The following CDYL2 variants were observed in gnomAD, a reference collection of about 807,000 sequenced individuals.
CDYL2 encodes chromodomain Y-like protein 2.
CDYL2 carries 23 observed loss-of-function variants against 49.4 expected under a neutral mutation model. The ratio of observed to expected loss-of-function variants is 0.47; its 90% CI spans 0.34 to 0.66. The LOEUF (loss-of-function observed/expected upper bound fraction) is 0.66. CDYL2 is among the 30% of genes least tolerant of loss of function. CDYL2 has a pLI of 0.01. For synonymous variants in CDYL2, 360 were observed against 268.8 expected, an observed-to-expected ratio of 1.34 and a Z score of -3.32; for missense variants, 678 against 656.4, an observed-to-expected ratio of 1.03 and a Z score of -0.36.
At chr16:80,669,677 T>A (rs1468907804) in intron 2 of CDYL2, among the ~76,000 whole-genome samples, 2 of 152,176 alleles carry the variant, frequency 1.3e-5, no homozygotes. Flanking sequence ...ATCCTCTGGC[T>A]GGCTTTGTGG....
At chr16:80,793,630 A>C (rs1907677560) in intron 1 of CDYL2, among the ~76,000 whole-genome samples, 1 of 152,220 alleles carries the variant, frequency 6.6e-6, no homozygotes, top group Admixed American at 6.5e-5. Flanking sequence ...ACCTTGGATA[A>C]TACAGACATG....
Position 80,612,561 on chromosome 16 carries a change from C to T in CDYL2, c.1218+65G>A. 1 of 1,482,918 alleles carries T rather than the reference C, an allele frequency of 6.7e-7. No individual in the cohort carries two copies. Among genetic ancestry groups the T allele is most frequent in the Non-Finnish European group, 9.1e-7 (1 of 1,098,832 alleles). The allele number at this position is 1,482,918 out of a possible 1,614,324, so 91.9% of individuals were successfully genotyped here. ...TCAGGTTTCTAGCCCCATGAAGAGC[C>T]CCTAAACCCAAGGCAGAGGAAGGAT... On this transcript the variant is annotated intron_variant, in intron 5 of 6. Coordinates refer to ENST00000570137, the MANE Select transcript of CDYL2 (RefSeq NM_152342.4). This position sits in a 1 kb window ranked among gnomAD's most constrained non-coding sequence, Gnocchi z 5.0.
chr16:80,754,378 G>C (rs1402833765), intron 1 of CDYL2, among the ~76,000 whole-genome samples: 1 of 152,178 alleles, frequency 6.6e-6, no homozygotes, highest in Non-Finnish European at 1.5e-5. Context: ...AACAAACAGA[G>C]ATTAAGCCAC....
chr16:80,735,229 A>C (rs1331838993), intron 1 of CDYL2: 3 of 152,228 alleles, frequency 2.0e-5, no homozygotes, highest in African/African-American at 4.8e-5. Context: ...CCAAGAATAG[A>C]TCATGCCCAA....
intron 1 of CDYL2, among the ~76,000 whole-genome samples, chr16:80,726,170 A>G (rs113143951): frequency 5.7e-4 from 87 of 152,356 alleles, no homozygotes; most frequent in African/African-American, 1.7e-3. Context: ...GGAGTTCCGT[A>G]TAAGATTCTA....
At chr16:80,722,976 G>A (rs1008203168) in intron 1 of CDYL2, among the ~76,000 whole-genome samples, 5 of 152,202 alleles carry the variant, frequency 3.3e-5, no homozygotes. Context: ...TCCACAAGCA[G>A]AGCAGAAGGA....
rs144433693 is a variant in CDYL2 at position 80,794,177 on chromosome 16, C to T, written c.24+9973G>A. On this transcript the variant is annotated intron_variant, in intron 1 of 6. Coordinates refer to ENST00000570137, the MANE Select transcript of CDYL2 (RefSeq NM_152342.4). ...GAAGGAGCCAGTCTTCTCAATAAAC[C>T]GCAACACTACCTTTAATACAATATA... Among the ~76,000 whole-genome samples, 376 of 152,250 alleles carry T rather than the reference C, an allele frequency of 2.5e-3. 2 individuals are homozygous for T. Among genetic ancestry groups the T allele is most frequent in the African/African-American group, 8.3e-3 (344 of 41,530 alleles).
chr16:80,665,222 T>G (rs980436425), intron 2 of CDYL2, among the ~76,000 whole-genome samples: 1 of 152,176 alleles, frequency 6.6e-6, no homozygotes, highest in Admixed American at 6.5e-5. Flanking sequence ...CCTCTTTGCC[T>G]GATCAAGCTC....
At chr16:80,740,730 A>C (rs996644727) in intron 1 of CDYL2, among the ~76,000 whole-genome samples, 1 of 152,116 alleles carries the variant, frequency 6.6e-6, no homozygotes, top group Non-Finnish European at 1.5e-5. Flanking sequence ...AAAATATAGT[A>C]GAAAAAAAGT....
At chr16:80,696,994 T>C (rs1351926196) in intron 1 of CDYL2, among the ~76,000 whole-genome samples, 1 of 151,836 alleles carries the variant, frequency 6.6e-6, no homozygotes, top group Non-Finnish European at 1.5e-5. Flanking sequence ...AACAACATAG[T>C]GATATTTTGT....
chr16:80,687,762 G>A (rs954751205), intron 1 of CDYL2, among the ~76,000 whole-genome samples: 5 of 152,174 alleles, frequency 3.3e-5, no homozygotes, highest in African/African-American at 4.8e-5. Flanking sequence ...TCTTGAGCAA[G>A]TTATTAAACC....
chr16:80,737,845 A>G (rs1905591055), intron 1 of CDYL2, among the ~76,000 whole-genome samples: 1 of 152,066 alleles, frequency 6.6e-6, no homozygotes, highest in African/African-American at 2.4e-5. Context: ...TCTTTTTTCT[A>G]ATGCATTTAG....
chr16:80,715,280 T>C (rs1416480712), intron 1 of CDYL2, among the ~76,000 whole-genome samples: 2 of 152,112 alleles, frequency 1.3e-5, no homozygotes, highest in Admixed American at 6.5e-5. Flanking sequence ...GGCCTGAGGA[T>C]ACAGGAATCC....
In CDYL2 at chr16:80,687,621, G is replaced by T. The variant is rs139642473; in HGVS notation, c.25-2492C>A. The stretch of plus-strand genomic sequence containing the variant: ...GATGGATGAAAAGGTGGGGACAGAA[G>T]TGGGTTCATAAATGGATGGATAGAT... On this transcript the variant is annotated intron_variant, in intron 1 of 6. Coordinates refer to ENST00000570137, the MANE Select transcript of CDYL2 (RefSeq NM_152342.4). Among the ~76,000 whole-genome samples, 383 of 152,260 alleles carry T rather than the reference G, an allele frequency of 2.5e-3. 3 individuals are homozygous for T. The highest frequency in any genetic ancestry group is 8.9e-3 in the African/African-American group (371 of 41,552).
intron 1 of CDYL2, among the ~76,000 whole-genome samples, chr16:80,747,657 C>G (rs1317352191): frequency 6.6e-6 from 1 of 152,122 alleles, no homozygotes; most frequent in Non-Finnish European, 1.5e-5. Flanking sequence ...TTCCCAACTT[C>G]TGAGGCCAGA....
chr16:80,604,362 G>T lies in CDYL2; in HGVS notation c.*26C>A. ...TCCGAAACACAGGGCAGAGCTGGAA[G>T]TTGGGGGCCCGTGAGCTGGGGCCCC... On this transcript the variant is annotated 3_prime_UTR_variant, in exon 7 of 7. Coordinates refer to ENST00000570137, the MANE Select transcript of CDYL2 (RefSeq NM_152342.4). 1 of 1,613,404 alleles carries T rather than the reference G, an allele frequency of 6.2e-7. No individual in the cohort carries two copies. Among genetic ancestry groups the T allele is most frequent in the Non-Finnish European group, 8.5e-7 (1 of 1,179,738 alleles).
Position 80,696,083 on chromosome 16 carries a change from A to T in CDYL2, c.25-10954T>A, listed in dbSNP as rs148765144. ...CCACAATGAAATAAAACTAGAAATC[A>T]ATAACAAGAAAAACCTTGAAACTGT... On this transcript the variant is annotated intron_variant, in intron 1 of 6. Coordinates refer to ENST00000570137, the MANE Select transcript of CDYL2 (RefSeq NM_152342.4). 8.4e-3 allele frequency among the ~76,000 whole-genome samples: 1,287 copies of T among 152,340 alleles called. 23 individuals are homozygous for T. The highest frequency in any genetic ancestry group is 0.03 in the African/African-American group (1,229 of 41,562).
chr16:80,652,051 G>A (rs979735754), intron 2 of CDYL2, among the ~76,000 whole-genome samples: 1 of 152,162 alleles, frequency 6.6e-6, no homozygotes, highest in Non-Finnish European at 1.5e-5. Context: ...CTATAGATAA[G>A]GGTATATACA....
chr16:80,794,848 G>C (rs1907722083), intron 1 of CDYL2, among the ~76,000 whole-genome samples: 1 of 151,964 alleles, frequency 6.6e-6, no homozygotes, highest in South Asian at 2.1e-4. Flanking sequence ...CCCGACCTCA[G>C]GTGATCCGCC....
Sources: allele counts gnomAD v4.1 joint callset (sites outside exome capture counted in the v4.1 genomes callset), GRCh38; gene constraint gnomAD v4.1.1; non-coding constraint Gnocchi (gnomAD v3.1); transcripts MANE v1.5; gene names NCBI Gene and HGNC (gene_info 2026-07-23, HGNC 2026-07-21).